Variants in IL16 observed in about 807,000 individuals in gnomAD.
IL16 encodes the protein pro-interleukin-16.
Under a neutral mutation model 110.1 loss-of-function variants are expected in IL16, and 67 were observed. The ratio of observed to expected loss-of-function variants is 0.61; its 90% CI spans 0.50 to 0.75. The LOEUF (loss-of-function observed/expected upper bound fraction) is 0.75, where lower values mean the gene tolerates loss of function less well. Ranked by LOEUF, IL16 falls within the 30% of genes least tolerant of loss-of-function variation. The pLI, the probability that IL16 is intolerant of heterozygous loss-of-function variation, is 0.00. For synonymous variants in IL16, 689 were observed against 662.9 expected, an observed-to-expected ratio of 1.04 and a Z score of -0.61; for missense variants, 1,545 against 1,655.0, an observed-to-expected ratio of 0.93 and a Z score of 1.15.
intron 1 of IL16, among the ~76,000 whole-genome samples, chr15:81,204,438 A>C (rs1180717782): frequency 1.3e-5 from 2 of 152,122 alleles, no homozygotes; most frequent in African/African-American, 4.8e-5. Context: ...TTGCCCATTC[A>C]GTATGATATT....
chr15:81,198,885 A>G (rs1266569080), intron 1 of IL16, among the ~76,000 whole-genome samples: 2 of 150,284 alleles, frequency 1.3e-5, no homozygotes, highest in East Asian at 4.0e-4. Flanking sequence ...CCAGGCGTGG[A>G]GGCACATGCC....
chr15:81,306,743 CCT>C (rs1421700920), intron 18 of IL16, 198 bp downstream of exon 18: 2 of 674,584 alleles, frequency 3.0e-6, no homozygotes, highest in South Asian at 3.2e-5. Context: ...CTCAATCCCC[CCT>C]CTGTTTTGAT....
chr15:81,256,556 A>T (rs1897954573), intron 2 of IL16, among the ~76,000 whole-genome samples: 1 of 151,960 alleles, frequency 6.6e-6, no homozygotes, highest in African/African-American at 2.4e-5. Flanking sequence ...GGTGGTCTTG[A>T]ACTCCTTGAA....
intron 3 of IL16, among the ~76,000 whole-genome samples, chr15:81,262,495 T>C (rs1280560187): frequency 6.6e-6 from 1 of 152,240 alleles, no homozygotes; most frequent in Non-Finnish European, 1.5e-5. Flanking sequence ...AGATTTTTTT[T>C]TTCTAAATGA....
At chr15:81,286,557 T>A (rs1225923986) in intron 10 of IL16, among the ~76,000 whole-genome samples, 1 of 152,184 alleles carries the variant, frequency 6.6e-6, no homozygotes, top group African/African-American at 2.4e-5. Flanking sequence ...CTAAAGAGTT[T>A]GCATTTTATT....
At chr15:81,285,924 C>A in intron 10 of IL16, 94 bp downstream of exon 10, 2 of 1,382,954 alleles carry the variant, frequency 1.4e-6, no homozygotes, top group Non-Finnish European at 1.0e-6. Context: ...ATGTTGCTGG[C>A]TGGGTTTGTA....
At chr15:81,220,771 G>A (rs115928699) in intron 1 of IL16, among the ~76,000 whole-genome samples, 13 of 141,592 alleles carry the variant, frequency 9.2e-5, no homozygotes, top group African/African-American at 3.3e-4. Context: ...GCACATGACA[G>A]TTTCTCAACA....
At chr15:81,205,716 A>G (rs1320344062) in intron 1 of IL16, among the ~76,000 whole-genome samples, 3 of 152,172 alleles carry the variant, frequency 2.0e-5, no homozygotes, top group Non-Finnish European at 4.4e-5. Flanking sequence ...AGGGAAACAA[A>G]AAAAGCCTAA....
chr15:81,239,330 G>A (rs2142094370), intron 2 of IL16, among the ~76,000 whole-genome samples: 1 of 152,274 alleles, frequency 6.6e-6, no homozygotes, highest in African/African-American at 2.4e-5. Context: ...GCATTTCAGT[G>A]TTCAGAGCCC....
At chr15:81,227,599 A>G (rs541361885) in intron 2 of IL16, among the ~76,000 whole-genome samples, 12 of 152,330 alleles carry the variant, frequency 7.9e-5, no homozygotes, top group East Asian at 1.9e-4. Context: ...AGGGACCAGA[A>G]CAAGGGCTGT....
Position 81,265,654 on chromosome 15 carries a change from T to A in IL16, c.422-5T>A. 1 of 1,613,558 alleles carries A rather than the reference T, an allele frequency of 6.2e-7. No individual in the cohort carries two copies. Among genetic ancestry groups the A allele is most frequent in the Non-Finnish European group, 8.5e-7 (1 of 1,179,772 alleles). The stretch of plus-strand genomic sequence containing the variant: ...TTTCTTGCTGTTTTTCCTCTTCTGG[T>A]TTAGGTGTTAATCCCTATTGCACAA... On this transcript the variant is annotated splice_polypyrimidine_tract_variant and splice_region_variant and intron_variant, in intron 3 of 18. Coordinates refer to ENST00000683961, the MANE Select transcript of IL16 (RefSeq NM_172217.5).
At chr15:81,184,014 G>C (rs893248037) in intron 1 of IL16, among the ~76,000 whole-genome samples, 1 of 152,210 alleles carries the variant, frequency 6.6e-6, no homozygotes, top group Admixed American at 6.5e-5. Context: ...AACCATCATA[G>C]ATATACAGGC....
At chr15:81,273,753 C>A (rs1201442139) in intron 6 of IL16, among the ~76,000 whole-genome samples, 1 of 152,156 alleles carries the variant, frequency 6.6e-6, no homozygotes, top group African/African-American at 2.4e-5. Flanking sequence ...CTGAAGAGCT[C>A]ATGATCTGCC....
At chr15:81,219,803 A>G (rs1432094425) in intron 1 of IL16, among the ~76,000 whole-genome samples, 10 of 152,132 alleles carry the variant, frequency 6.6e-5, no homozygotes, top group South Asian at 6.2e-4. Flanking sequence ...AACACTTCAC[A>G]TGATGTTGGT....
intron 6 of IL16, among the ~76,000 whole-genome samples, chr15:81,277,820 G>C (rs1021622071): frequency 6.6e-6 from 1 of 152,176 alleles, no homozygotes; most frequent in Non-Finnish European, 1.5e-5. Flanking sequence ...AGGTCCAGAA[G>C]TCAGTGTAAA....
At chr15:81,263,664 G>GT (rs1898252400) in intron 3 of IL16, among the ~76,000 whole-genome samples, 1 of 152,192 alleles carries the variant, frequency 6.6e-6, no homozygotes, top group South Asian at 2.1e-4. Flanking sequence ...GGCCTGAGCA[G>GT]TTGCACTGGG....
chr15:81,232,418 T>A (rs954967468), intron 2 of IL16, among the ~76,000 whole-genome samples: 2 of 152,154 alleles, frequency 1.3e-5, no homozygotes, highest in Non-Finnish European at 2.9e-5. Flanking sequence ...ATTCCTAATC[T>A]CAAGGGGAAA....
rs147424647 is a variant in IL16 at position 81,187,694 on chromosome 15, A to G, written c.40+4798A>G. On this transcript the variant is annotated intron_variant, in intron 1 of 18. Coordinates refer to the IL16 transcript ENST00000302987. Reference sequence around the variant, plus strand: ...GCTGATAATACACAACTTGTTGCTAACTTTAAAGACCTGATTAAATAAAGT... The same window carrying G: ...GCTGATAATACACAACTTGTTGCTAGCTTTAAAGACCTGATTAAATAAAGT... Among the ~76,000 whole-genome samples the G allele has an allele frequency of 1.5e-4, 23 of 152,324 alleles. No homozygotes were observed. In the East Asian group the frequency reaches 4.4e-3, roughly 29 times the overall value.
At chr15:81,211,259 T>C (rs1429001229) in intron 1 of IL16, among the ~76,000 whole-genome samples, 3 of 150,948 alleles carry the variant, frequency 2.0e-5, no homozygotes, top group Non-Finnish European at 3.0e-5. Flanking sequence ...CTTTCTTTTT[T>C]TTTTTTTGTG....
Sources: allele counts gnomAD v4.1 joint callset (sites outside exome capture counted in the v4.1 genomes callset), GRCh38; gene constraint gnomAD v4.1.1; transcripts MANE v1.5; gene names NCBI Gene and HGNC (gene_info 2026-07-23, HGNC 2026-07-21).